ASIC2: variants seen among roughly 807,000 people sequenced by gnomAD.
The protein encoded by ASIC2 is acid sensing ion channel subunit 2.
Under a neutral mutation model 57.3 loss-of-function variants are expected in ASIC2, and 25 were observed. The observed-to-expected ratio is 0.44, with a 90% CI of 0.32 to 0.61. The LOEUF (loss-of-function observed/expected upper bound fraction) is 0.61, where lower values mean the gene tolerates loss of function less well. ASIC2 is among the 20% of genes least tolerant of loss of function. The pLI, the probability that ASIC2 is intolerant of heterozygous loss-of-function variation, is 0.06. For synonymous variants in ASIC2, 319 were observed against 307.5 expected (o/e 1.04, Z -0.39); for missense variants, 641 against 738.1 (o/e 0.87, Z 1.52).
chr17:33,467,177 G>A (rs1020105350), intron 1 of ASIC2, among the ~76,000 whole-genome samples: 10 of 152,194 alleles, frequency 6.6e-5, no homozygotes, highest in Non-Finnish European at 1.5e-4. Context: ...CTGAGCTCAA[G>A]CGATTTGCCT....
chr17:33,165,348 T>C (rs1905275544), intron 1 of ASIC2, among the ~76,000 whole-genome samples: 1 of 152,160 alleles, frequency 6.6e-6, no homozygotes, highest in African/African-American at 2.4e-5. Flanking sequence ...CTTGGTATAG[T>C]CTAAGTGCCT....
At chr17:33,496,066 G>A (rs1236298922) in intron 1 of ASIC2, among the ~76,000 whole-genome samples, 1 of 152,178 alleles carries the variant, frequency 6.6e-6, no homozygotes. Flanking sequence ...GCCAAGTTTT[G>A]TGGAACTTTG....
intron 1 of ASIC2, among the ~76,000 whole-genome samples, chr17:33,146,878 C>T (rs904267725): frequency 6.6e-6 from 1 of 152,208 alleles, no homozygotes; most frequent in African/African-American, 2.4e-5. Flanking sequence ...TTACTTCAGT[C>T]ATTCTCAGGG....
At chr17:34,025,551 G>C (rs1907345222) in intron 1 of ASIC2, among the ~76,000 whole-genome samples, 1 of 152,134 alleles carries the variant, frequency 6.6e-6, no homozygotes, top group African/African-American at 2.4e-5. Context: ...TTACCTCAAA[G>C]GTTTTCTCAA....
chr17:33,653,040 T>C (rs1235780552), intron 1 of ASIC2, among the ~76,000 whole-genome samples: 1 of 152,244 alleles, frequency 6.6e-6, no homozygotes, highest in African/African-American at 2.4e-5. Context: ...TAGCTACATG[T>C]TCTAAAAAAG....
intron 1 of ASIC2, among the ~76,000 whole-genome samples, chr17:33,205,134 C>T (rs1025388584): frequency 6.6e-6 from 1 of 152,236 alleles, no homozygotes; most frequent in Non-Finnish European, 1.5e-5. Flanking sequence ...GTGGAGTCTG[C>T]AGTTTCCTCT....
intron 1 of ASIC2, among the ~76,000 whole-genome samples, chr17:34,053,429 T>G (rs894038237): frequency 3.3e-5 from 5 of 152,182 alleles, no homozygotes. Flanking sequence ...AAATACAGCA[T>G]TTTGAAAAAG....
intron 1 of ASIC2, among the ~76,000 whole-genome samples, chr17:33,327,118 C>T (rs2061119322): frequency 6.6e-6 from 1 of 152,198 alleles, no homozygotes; most frequent in Non-Finnish European, 1.5e-5. Flanking sequence ...AAAAAGCCAA[C>T]CCATCATCTT....
At chr17:33,962,351 A>T (rs1597951448) in intron 1 of ASIC2, among the ~76,000 whole-genome samples, 1 of 152,166 alleles carries the variant, frequency 6.6e-6, no homozygotes, top group African/African-American at 2.4e-5. Flanking sequence ...AGAGTCTTGA[A>T]AGAGTATAGT....
At chr17:33,686,038 C>T (rs1165900035) in intron 1 of ASIC2, among the ~76,000 whole-genome samples, 4 of 152,106 alleles carry the variant, frequency 2.6e-5, no homozygotes, top group Non-Finnish European at 4.4e-5. Context: ...CCCCACTTGA[C>T]GACAGTGTTC....
At chr17:33,473,245 G>A (rs1319042326) in intron 1 of ASIC2, among the ~76,000 whole-genome samples, 1 of 152,256 alleles carries the variant, frequency 6.6e-6, no homozygotes, top group Non-Finnish European at 1.5e-5. Flanking sequence ...TCCTTCTCCA[G>A]GCGAGAATGC....
chr17:33,673,883 C>G (rs1907720768), intron 1 of ASIC2, among the ~76,000 whole-genome samples: 1 of 150,382 alleles, frequency 6.6e-6, no homozygotes, highest in East Asian at 1.9e-4. Context: ...GAGCTAAGGT[C>G]TGTGCATCCG....
At chr17:33,284,787 T>C (rs1337146532) in intron 1 of ASIC2, among the ~76,000 whole-genome samples, 7 of 152,196 alleles carry the variant, frequency 4.6e-5, no homozygotes, top group Non-Finnish European at 8.8e-5. Flanking sequence ...ATGACACTCA[T>C]TCATGCTGTT....
intron 1 of ASIC2, among the ~76,000 whole-genome samples, chr17:33,844,455 G>A (rs1251406976): frequency 6.6e-6 from 1 of 152,106 alleles, no homozygotes; most frequent in Non-Finnish European, 1.5e-5. Context: ...CTAATTATGG[G>A]CTTTATCATA....
rs538805356 is a variant in ASIC2, at chr17:33,721,136, C to A, written c.555+434842G>T. On this transcript the variant is annotated intron_variant, in intron 1 of 9. Coordinates refer to the ASIC2 transcript ENST00000359872. ...TTTCTCAGTGGAAGACAATGGTGGT[C>A]CCCTGGTGTTGTGTGGAACTCAAGA... Among the ~76,000 whole-genome samples, 4 of 152,282 alleles carry A rather than the reference C, an allele frequency of 2.6e-5. No individual in the cohort carries two copies. The South Asian group carries it at 6.2e-4, about 24-fold the overall frequency.
intron 1 of ASIC2, among the ~76,000 whole-genome samples, chr17:34,052,871 G>A (rs956224666): frequency 2.6e-5 from 4 of 151,636 alleles, no homozygotes; most frequent in African/African-American, 4.9e-5. Context: ...CACCCGCCTC[G>A]CCCTCCCAAA....
At chr17:34,039,904 C>A in intron 1 of ASIC2, 2 of 1,565,240 alleles carry the variant, frequency 1.3e-6, no homozygotes, top group South Asian at 1.1e-5. Flanking sequence ...TGCCGCTCCA[C>A]GCTCCTCCCT....
intron 1 of ASIC2, among the ~76,000 whole-genome samples, chr17:34,155,034 G>T (rs1184488875): frequency 1.3e-5 from 2 of 151,670 alleles, no homozygotes; most frequent in East Asian, 3.9e-4. Context: ...CATCCTGAAC[G>T]TAAGCCACAT....
intron 1 of ASIC2, among the ~76,000 whole-genome samples, chr17:33,522,068 G>A (rs887254324): frequency 2.0e-5 from 3 of 152,168 alleles, no homozygotes; most frequent in African/African-American, 7.2e-5. Context: ...GCATAGAGGA[G>A]CATCCTGTCA....
Sources: gnomAD v4.1 joint callset for allele counts (sites outside exome capture counted in the v4.1 genomes callset) on GRCh38, gnomAD v4.1.1 for gene constraint, MANE v1.5 for transcripts, NCBI Gene and HGNC (gene_info 2026-07-23, HGNC 2026-07-21) for gene names.